The following IQGAP1 variants were observed in gnomAD, a reference collection of about 807,000 sequenced individuals.
The protein encoded by IQGAP1 is IQ motif containing GTPase activating protein 1.
Under a neutral mutation model 215.6 loss-of-function variants are expected in IQGAP1, and 66 were observed. The observed-to-expected ratio is 0.31, with a 90% CI of 0.25 to 0.38. The LOEUF (loss-of-function observed/expected upper bound fraction) is 0.38, where lower values mean the gene tolerates loss of function less well. Ranked by LOEUF, IQGAP1 falls within the 10% of genes least tolerant of loss-of-function variation. IQGAP1 has a pLI of 1.00. For synonymous variants in IQGAP1, 772 were observed against 728.7 expected (o/e 1.06, Z -0.96); for missense variants, 1,712 against 1,997.1 (o/e 0.86, Z 2.72).
chr15:90,437,625 A>G (rs1401223657), intron 5 of IQGAP1, among the ~76,000 whole-genome samples: 1 of 151,954 alleles, frequency 6.6e-6, no homozygotes, highest in Non-Finnish European at 1.5e-5. Flanking sequence ...CATTGTAACA[A>G]CCTCCCAGGC....
chr15:90,449,905 A>T (rs1185867336), intron 11 of IQGAP1, among the ~76,000 whole-genome samples: 1 of 152,218 alleles, frequency 6.6e-6, no homozygotes. Flanking sequence ...ACCAAGAAGC[A>T]CTGACGTATG....
intron 33 of IQGAP1, 127 bp from the exon 34 acceptor site, chr15:90,491,206 T>C (rs1202340295): frequency 2.7e-6 from 2 of 733,008 alleles, no homozygotes; most frequent in Non-Finnish European, 4.5e-6. Flanking sequence ...GGGGGCAGAA[T>C]TTGTTTCCTT....
At chr15:90,496,246 T>C (rs1966271268) in intron 36 of IQGAP1, among the ~76,000 whole-genome samples, 2 of 150,810 alleles carry the variant, frequency 1.3e-5, no homozygotes, top group Admixed American at 6.6e-5. Context: ...GGCAGCTCCA[T>C]AGTTGAGTTC....
chr15:90,407,897 G>A (rs1479768456), intron 2 of IQGAP1, among the ~76,000 whole-genome samples: 1 of 152,206 alleles, frequency 6.6e-6, no homozygotes, highest in African/African-American at 2.4e-5. Flanking sequence ...TGAAGACAGG[G>A]CATAAACATT....
At chr15:90,440,222 T>C (rs1486448895) in intron 6 of IQGAP1, among the ~76,000 whole-genome samples, 1 of 152,246 alleles carries the variant, frequency 6.6e-6, no homozygotes, top group East Asian at 1.9e-4. Flanking sequence ...AAGTTCATTG[T>C]AGGAAATGCC....
chr15:90,425,291 T>C lies in IQGAP1; in HGVS notation c.156-819T>C, dbSNP rs1965205168. Among the ~76,000 whole-genome samples, 2 of 151,742 alleles carry C rather than the reference T, an allele frequency of 1.3e-5. 1 individual carries two copies. The highest frequency in any genetic ancestry group is 1.3e-4 in the Admixed American group (2 of 15,220). The stretch of plus-strand genomic sequence containing the variant: ...TGCCACTGCACTCCAGGCTGGGCAA[T>C]AGAGTGAGACTTTGTCTCAAAAGAA... On this transcript the variant is annotated intron_variant, in intron 2 of 37. Transcript: ENST00000268182.
rs554657417 is a variant in IQGAP1, at chr15:90,424,051, G to T, written c.156-2059G>T. Among the ~76,000 whole-genome samples, 12 of 149,460 alleles carry T rather than the reference G, an allele frequency of 8.0e-5. No individual in the cohort carries two copies. The South Asian group carries it at 1.7e-3, about 21-fold the overall frequency. ...CTTTTTTTTTTTTTGGTACTGTTACGTGCTTGAGGGCCATTTTTGGCTTAG... is the reference window on the plus strand; with the variant it reads ...CTTTTTTTTTTTTTGGTACTGTTACTTGCTTGAGGGCCATTTTTGGCTTAG... On this transcript the variant is annotated intron_variant, in intron 2 of 37. Transcript: ENST00000268182.
At position 90,500,800 on chromosome 15, in the gene IQGAP1, T is replaced by G. The variant is rs553118762; in HGVS notation, c.*692T>G. The G allele has an allele frequency of 6.6e-6, 1 of 152,372 alleles. No homozygotes were observed. Among genetic ancestry groups the G allele is most frequent in the Non-Finnish European group, 1.5e-5 (1 of 68,008 alleles). 9.4% of individuals were successfully genotyped at this position (152,372 alleles called of 1,614,324 possible). ...ACTCCCCGACTAGTGGATGGGAGAGTCCCATTGCTAAAATTCAGCTACTCA... is the reference window on the plus strand; with the variant it reads ...ACTCCCCGACTAGTGGATGGGAGAGGCCCATTGCTAAAATTCAGCTACTCA... On this transcript the variant is annotated 3_prime_UTR_variant, in exon 38 of 38. Coordinates refer to ENST00000268182, the MANE Select transcript of IQGAP1 (RefSeq NM_003870.4).
chr15:90,492,737 T>A (rs1401677251), intron 35 of IQGAP1, 26 bp downstream of exon 35: 2 of 1,587,638 alleles, frequency 1.3e-6, no homozygotes, highest in Non-Finnish European at 1.7e-6. Flanking sequence ...TTTTAAAGAA[T>A]CAATGTCAGA....
chr15:90,449,485 T>G, intron 10 of IQGAP1, 74 bp from the exon 11 acceptor site: 12 of 1,229,964 alleles, frequency 9.8e-6, no homozygotes, highest in African/African-American at 1.5e-5. Flanking sequence ...TGACTGCTTT[T>G]GAGAGATGAG....
chr15:90,397,860 C>G (rs1260994467), intron 2 of IQGAP1: 2 of 116,244 alleles, frequency 1.7e-5, no homozygotes, highest in East Asian at 3.2e-4. Context: ...AAAGGATATC[C>G]TGAATTTTTT....
intron 30 of IQGAP1, among the ~76,000 whole-genome samples, chr15:90,484,595 A>G (rs1482202403): frequency 1.3e-5 from 2 of 151,712 alleles, no homozygotes; most frequent in African/African-American, 2.4e-5. Context: ...TGCAAGCTCC[A>G]CCTCCTGGGT....
rs1007561136 is a variant in IQGAP1, at chr15:90,497,123, G to A, written c.4752-109G>A. 3.3e-5 allele frequency: 21 copies of A among 634,042 alleles called. No individual in the cohort carries two copies. In the African/African-American group the frequency reaches 3.7e-4, roughly 11 times the overall value. The allele number at this position is 634,042 out of a possible 1,614,324, so 39.3% of individuals were successfully genotyped here. A position where few individuals can be genotyped will look rare whatever the true frequency, so the allele number is the denominator to read the frequency against. Reference sequence around the variant, plus strand: ...GAAGTACTTTTGACCTGTATTTTCTGCAGCCCTTTTCACTCTTGAAGACTT... The same window carrying A: ...GAAGTACTTTTGACCTGTATTTTCTACAGCCCTTTTCACTCTTGAAGACTT... On this transcript the variant is annotated intron_variant, in intron 36 of 37. Coordinates refer to ENST00000268182, the MANE Select transcript of IQGAP1 (RefSeq NM_003870.4).
intron 26 of IQGAP1, among the ~76,000 whole-genome samples, chr15:90,479,758 A>G (rs1966030809): frequency 6.6e-6 from 1 of 152,118 alleles, no homozygotes; most frequent in Admixed American, 6.6e-5. Flanking sequence ...TTTCCTTATT[A>G]GGAATCATTT....
chr15:90,498,832 A>C (rs1966305967), intron 37 of IQGAP1, among the ~76,000 whole-genome samples: 3 of 110,692 alleles, frequency 2.7e-5, no homozygotes, highest in Admixed American at 1.9e-4. Context: ...TTTTTTTGAG[A>C]CAGTTTCGCT....
At chr15:90,494,371 A>T (rs753199442) in intron 35 of IQGAP1, 1 of 167,010 alleles carries the variant, frequency 6.0e-6, no homozygotes, top group African/African-American at 2.4e-5. Context: ...CACTCCTGGG[A>T]TTCAGTACCA....
intron 2 of IQGAP1, chr15:90,391,833 T>C (rs1023242333): frequency 6.6e-6 from 1 of 152,232 alleles, no homozygotes; most frequent in Non-Finnish European, 1.5e-5. Context: ...ATAGATCATG[T>C]ATTCTATAAG....
intron 2 of IQGAP1, among the ~76,000 whole-genome samples, chr15:90,405,102 G>C (rs938400901): frequency 1.3e-5 from 2 of 152,124 alleles, no homozygotes; most frequent in African/African-American, 4.8e-5. Flanking sequence ...ATTTATTTTG[G>C]TGTGAGGAGT....
chr15:90,476,740 G>C lies in IQGAP1; in HGVS notation c.2862G>C (p.Gln954His). ...CTGATATGATGATGATAAATAAACA[G>C]AAGGGAGGTCTCAAGGCTTTGAGCA... Reference protein sequence around the residue: ...QLSDMMMINKQKGGLKALSKE... With the variant: ...QLSDMMMINKHKGGLKALSKE... The change falls in exon 24 of 38, where the codon CAG becomes CAC. Residue 954 changes from glutamine to histidine, a missense_variant. Transcript: ENST00000268182. The C allele has an allele frequency of 1.9e-6, 3 of 1,608,078 alleles. No homozygotes were observed. Among genetic ancestry groups the C allele is most frequent in the Non-Finnish European group, 2.5e-6 (3 of 1,178,558 alleles).
Sources: allele counts gnomAD v4.1 joint callset (sites outside exome capture counted in the v4.1 genomes callset), GRCh38; gene constraint gnomAD v4.1.1; transcripts MANE v1.5; gene names NCBI Gene and HGNC (gene_info 2026-07-23, HGNC 2026-07-21).